The following CSMD1 variants were observed in gnomAD, a reference collection of about 807,000 sequenced individuals.
CSMD1 encodes the protein CUB and Sushi multiple domains 1, also known as CUB and sushi domain-containing protein 1.
Under a neutral mutation model 417.5 loss-of-function variants are expected in CSMD1, and 213 were observed. The observed-to-expected ratio is 0.51, with a 90% CI of 0.46 to 0.57. The LOEUF is 0.57. CSMD1 is among the 20% of genes least tolerant of loss of function. The probability of loss-of-function intolerance (pLI) is 0.00; values close to 1 mark genes in which losing one functional copy is unlikely to be tolerated. For synonymous variants in CSMD1, 2,862 were observed against 1,736.8 expected, an observed-to-expected ratio of 1.65 and a Z score of -16.11; for missense variants, 6,923 against 4,529.7, an observed-to-expected ratio of 1.53 and a Z score of -15.17.
intron 1 of CSMD1, among the ~76,000 whole-genome samples, chr8:4,706,632 A>C (rs1807956043): frequency 6.6e-6 from 1 of 152,248 alleles, no homozygotes; most frequent in Admixed American, 6.5e-5. Flanking sequence ...ACAGTATTTT[A>C]GGAGTGAAGA....
intron 30 of CSMD1, among the ~76,000 whole-genome samples, chr8:3,206,224 CTGTGTGTGTG>C (rs993704835): frequency 1.7e-5 from 2 of 117,504 alleles, no homozygotes; most frequent in Non-Finnish European, 3.3e-5. Flanking sequence ...GTGTGTGTGT[CTGTGTGTGTG>C]TGTATGTGTG....
At chr8:3,371,833 T>C (rs1344244320) in intron 18 of CSMD1, among the ~76,000 whole-genome samples, 2 of 152,192 alleles carry the variant, frequency 1.3e-5, no homozygotes, top group Non-Finnish European at 2.9e-5. Context: ...TCTCATGGAA[T>C]TTTTGCATCT....
intron 1 of CSMD1, among the ~76,000 whole-genome samples, chr8:4,756,667 T>G (rs1352358205): frequency 6.6e-6 from 1 of 152,150 alleles, no homozygotes; most frequent in Non-Finnish European, 1.5e-5. Context: ...TCAGAAAAAA[T>G]AGAAGCTAGA....
intron 52 of CSMD1, among the ~76,000 whole-genome samples, chr8:3,009,549 AG>A (rs935865194): frequency 6.6e-6 from 1 of 152,218 alleles, no homozygotes; most frequent in African/African-American, 2.4e-5. Flanking sequence ...ACTTATAGGC[AG>A]GAAAAACTAT....
intron 1 of CSMD1, among the ~76,000 whole-genome samples, chr8:4,974,825 C>T (rs568413981): frequency 6.6e-6 from 1 of 152,178 alleles, no homozygotes; most frequent in Non-Finnish European, 1.5e-5. Context: ...TGAGCTGTCT[C>T]CCAATGATGA....
intron 2 of CSMD1, among the ~76,000 whole-genome samples, chr8:4,515,860 G>T (rs915471273): frequency 1.3e-5 from 2 of 152,172 alleles, no homozygotes; most frequent in African/African-American, 4.8e-5. Flanking sequence ...TCATAAGCCT[G>T]CTGGCACCAA....
intron 65 of CSMD1, among the ~76,000 whole-genome samples, chr8:2,953,809 T>A (rs1168154352): frequency 6.6e-6 from 1 of 152,232 alleles, no homozygotes; most frequent in Non-Finnish European, 1.5e-5. Context: ...TTGGGCTCCA[T>A]GTCTGAACTG....
At chr8:3,774,302 G>A (rs888148220) in intron 5 of CSMD1, among the ~76,000 whole-genome samples, 1 of 152,080 alleles carries the variant, frequency 6.6e-6, no homozygotes, top group Non-Finnish European at 1.5e-5. Context: ...TGTTCCCAGA[G>A]CATCTGGGTT....
In CSMD1 at chr8:4,467,476, C is replaced by T. The variant is rs756179421; in HGVS notation, c.303-47411G>A. On this transcript the variant is annotated intron_variant, in intron 2 of 69. Coordinates refer to ENST00000635120, the MANE Select transcript of CSMD1 (RefSeq NM_033225.6). ...TTAATCTTGGCTGTCTTTGTGCCAC[C>T]CATGAGTGGCCAGAGGATAGAGTTC... Among the ~76,000 whole-genome samples, 11 of 152,164 alleles carry T rather than the reference C, an allele frequency of 7.2e-5. 1 individual carries two copies. Among genetic ancestry groups the T allele is most frequent in the Admixed American group, 3.3e-4 (5 of 15,270 alleles).
At chr8:4,793,086 C>T (rs79939987) in intron 1 of CSMD1, among the ~76,000 whole-genome samples, 4,436 of 152,032 alleles carry the variant, frequency 0.029, 87 homozygotes, top group Non-Finnish European at 0.042. Flanking sequence ...TAATATAGCA[C>T]TGTCATATAC....
chr8:4,251,604 G>C (rs898704187), intron 3 of CSMD1, among the ~76,000 whole-genome samples: 5 of 152,130 alleles, frequency 3.3e-5, no homozygotes, highest in Non-Finnish European at 7.3e-5. Context: ...AAATGAGACA[G>C]GTTTCATGTC....
intron 4 of CSMD1, among the ~76,000 whole-genome samples, chr8:4,026,971 G>A (rs776262182): frequency 3.3e-5 from 5 of 152,146 alleles, no homozygotes; most frequent in Admixed American, 6.5e-5. Flanking sequence ...TGCAGTGTTT[G>A]CCAATTCTTA....
At chr8:4,182,043 TCGG>T (rs1798410190) in intron 3 of CSMD1, among the ~76,000 whole-genome samples, 2 of 67,740 alleles carry the variant, frequency 3.0e-5, no homozygotes, top group Non-Finnish European at 8.2e-5. Flanking sequence ...TGTGTGTGTG[TCGG>T]TGTGTGTGTG....
At chr8:4,683,896 G>A (rs1172514225) in intron 1 of CSMD1, among the ~76,000 whole-genome samples, 1 of 152,152 alleles carries the variant, frequency 6.6e-6, no homozygotes, top group Non-Finnish European at 1.5e-5. Context: ...TTATAGGAAA[G>A]GACTAATTAG....
chr8:4,177,289 C>G (rs990701266), intron 3 of CSMD1, among the ~76,000 whole-genome samples: 1 of 152,070 alleles, frequency 6.6e-6, no homozygotes, highest in African/African-American at 2.4e-5. Context: ...CTCAAAACCG[C>G]TCAACTACAT....
intron 1 of CSMD1, among the ~76,000 whole-genome samples, chr8:4,816,968 C>T (rs533072815): frequency 1.5e-4 from 23 of 152,248 alleles, no homozygotes; most frequent in African/African-American, 4.8e-4. Context: ...TACCATTTAA[C>T]AGTAAAGAAA....
intron 2 of CSMD1, among the ~76,000 whole-genome samples, chr8:4,429,576 A>G (rs1339514916): frequency 6.6e-6 from 1 of 152,120 alleles, no homozygotes; most frequent in East Asian, 1.9e-4. Flanking sequence ...TTTGGTCCAT[A>G]CTGATTTAGG....
chr8:4,139,889 A>T (rs73178305), intron 3 of CSMD1, among the ~76,000 whole-genome samples: 45,265 of 150,636 alleles, frequency 0.3, 8,436 homozygotes, highest in Non-Finnish European at 0.39. Context: ...ATCAGAAGCA[A>T]GGGTGGAAGG....
chr8:3,409,747 T>G, intron 12 of CSMD1, 142 bp from the exon 13 acceptor site: 1 of 621,360 alleles, frequency 1.6e-6, no homozygotes, highest in Admixed American at 3.1e-5. Flanking sequence ...GGATATTCAA[T>G]TGATCTTAAA....
Sources: gnomAD v4.1 joint callset for allele counts (sites outside exome capture counted in the v4.1 genomes callset) on GRCh38, gnomAD v4.1.1 for gene constraint, MANE v1.5 for transcripts, NCBI Gene and HGNC (gene_info 2026-07-23, HGNC 2026-07-21) for gene names.